Variants in KCNH8 observed in about 807,000 individuals in gnomAD.
KCNH8 encodes voltage-gated delayed rectifier potassium channel KCNH8.
In KCNH8, 70 loss-of-function variants were observed where a neutral mutation model predicts 103.6. The ratio of observed to expected loss-of-function variants is 0.68; its 90% CI spans 0.56 to 0.82. The LOEUF (loss-of-function observed/expected upper bound fraction) is 0.82, where lower values mean the gene tolerates loss of function less well. Ranked by LOEUF, KCNH8 falls within the 40% of genes least tolerant of loss-of-function variation. The pLI, the probability that KCNH8 is intolerant of heterozygous loss-of-function variation, is 0.00. For synonymous variants in KCNH8, 498 were observed against 489.4 expected (o/e 1.02, Z -0.23); for missense variants, 1,217 against 1,329.9 (o/e 0.92, Z 1.32).
At chr3:19,412,537 C>T (rs975385443) in intron 7 of KCNH8, among the ~76,000 whole-genome samples, 3 of 151,816 alleles carry the variant, frequency 2.0e-5, no homozygotes, top group Non-Finnish European at 4.4e-5. Flanking sequence ...CAAAAATTGA[C>T]AAGTGGGACC....
intron 1 of KCNH8, among the ~76,000 whole-genome samples, chr3:19,226,603 TCA>T (rs1050583733): frequency 2.1e-5 from 3 of 145,246 alleles, no homozygotes; most frequent in East Asian, 1.9e-4. Flanking sequence ...TCTCTCTCTG[TCA>T]CACACACACA....
intron 11 of KCNH8, among the ~76,000 whole-genome samples, chr3:19,467,337 A>G (rs2067762314): frequency 6.6e-6 from 1 of 151,790 alleles, no homozygotes; most frequent in African/African-American, 2.4e-5. Context: ...ATGTGCACAC[A>G]CACAAATATA....
At chr3:19,337,969 AACACAC>A (rs1172457702) in intron 3 of KCNH8, among the ~76,000 whole-genome samples, 3 of 150,674 alleles carry the variant, frequency 2.0e-5, no homozygotes, top group African/African-American at 4.9e-5. Context: ...AAAAAAAATA[AACACAC>A]ACACACACGC....
chr3:19,263,100 A>G (rs555530119), intron 2 of KCNH8, among the ~76,000 whole-genome samples: 53 of 152,204 alleles, frequency 3.5e-4, no homozygotes, highest in African/African-American at 1.2e-3. Flanking sequence ...CCTGGAGGAC[A>G]GCATAAAACT....
intron 1 of KCNH8, among the ~76,000 whole-genome samples, chr3:19,236,351 G>C (rs986219335): frequency 2.0e-5 from 3 of 152,196 alleles, no homozygotes; most frequent in Non-Finnish European, 2.9e-5. Flanking sequence ...TCATTATCTA[G>C]ATAAATTATA....
chr3:19,352,309 T>C (rs915678182), intron 5 of KCNH8, among the ~76,000 whole-genome samples: 4 of 151,850 alleles, frequency 2.6e-5, no homozygotes, highest in African/African-American at 9.7e-5. Context: ...CCACTGTCAA[T>C]ATTAGACAGA....
intron 11 of KCNH8, among the ~76,000 whole-genome samples, chr3:19,474,287 G>C (rs1421742819): frequency 6.6e-6 from 1 of 152,184 alleles, no homozygotes; most frequent in East Asian, 1.9e-4. Context: ...AGACAGCAGA[G>C]AGGATGACAT....
chr3:19,508,610 GGAT>G (rs1459052044), intron 11 of KCNH8, among the ~76,000 whole-genome samples: 1 of 152,134 alleles, frequency 6.6e-6, no homozygotes, highest in Non-Finnish European at 1.5e-5. Context: ...ATAGGAAATA[GGAT>G]GATAATAACT....
chr3:19,251,619 G>A (rs2064278890), intron 1 of KCNH8, among the ~76,000 whole-genome samples: 1 of 152,116 alleles, frequency 6.6e-6, no homozygotes, highest in South Asian at 2.1e-4. Context: ...TCTCCTGCTG[G>A]CCATCAAGAA....
In KCNH8 at chr3:19,359,361, G is replaced by A. The variant is rs142578774; in HGVS notation, c.811+11396G>A. On this transcript the variant is annotated intron_variant, in intron 5 of 15. Transcript: ENST00000328405. ...GTACTTATATATATATGTGTGTTGTGTGTGCATGTGTATATACATAGAGAA... is the reference window on the plus strand; with the variant it reads ...GTACTTATATATATATGTGTGTTGTATGTGCATGTGTATATACATAGAGAA... Among the ~76,000 whole-genome samples, 312 of 142,878 alleles carry A rather than the reference G, an allele frequency of 2.2e-3. 5 individuals are homozygous for A. The East Asian group carries it at 0.061, about 28-fold the overall frequency. 93.7% of individuals were successfully genotyped at this position (142,878 alleles called of 152,430 possible).
At chr3:19,250,975 T>G (rs1021739193) in intron 1 of KCNH8, among the ~76,000 whole-genome samples, 2 of 152,168 alleles carry the variant, frequency 1.3e-5, no homozygotes, top group African/African-American at 4.8e-5. Context: ...GAAAGTGCAT[T>G]AAAAGCTTTT....
intron 3 of KCNH8, among the ~76,000 whole-genome samples, chr3:19,308,711 TCTCTCTCC>T (rs2065166754): frequency 2.1e-5 from 1 of 47,416 alleles, no homozygotes; most frequent in South Asian, 7.2e-4. Context: ...TCTCTCTCTC[TCTCTCTCC>T]CCCTCTCTCC....
intron 2 of KCNH8, among the ~76,000 whole-genome samples, chr3:19,256,026 T>C (rs948968711): frequency 6.6e-6 from 1 of 152,106 alleles, no homozygotes; most frequent in African/African-American, 2.4e-5. Flanking sequence ...AATATTTAAA[T>C]TGTACTCTAA....
At chr3:19,341,779 T>G (rs1248346268) in intron 3 of KCNH8, among the ~76,000 whole-genome samples, 1 of 152,138 alleles carries the variant, frequency 6.6e-6, no homozygotes, top group Non-Finnish European at 1.5e-5. Context: ...TTGGCCAATA[T>G]TCATTTGATA....
chr3:19,350,539 A>G (rs2065786213), intron 5 of KCNH8, among the ~76,000 whole-genome samples: 1 of 152,134 alleles, frequency 6.6e-6, no homozygotes. Flanking sequence ...TTCCAGAGGA[A>G]GGATCAGGCA....
At chr3:19,496,370 C>T (rs184941370) in intron 11 of KCNH8, among the ~76,000 whole-genome samples, 1 of 152,248 alleles carries the variant, frequency 6.6e-6, no homozygotes. Context: ...TATATTCCTT[C>T]AATGACTAGT....
At chr3:19,452,603 A>T (rs190350871) in intron 10 of KCNH8, among the ~76,000 whole-genome samples, 19 of 152,282 alleles carry the variant, frequency 1.2e-4, no homozygotes, top group African/African-American at 2.6e-4. Context: ...TGAATTCAGG[A>T]TGTATTTCAA....
At chr3:19,336,273 A>G (rs566927727) in intron 3 of KCNH8, among the ~76,000 whole-genome samples, 1 of 151,888 alleles carries the variant, frequency 6.6e-6, no homozygotes, top group Admixed American at 6.6e-5. Context: ...ACAGTCTTTT[A>G]TTTCCAAAAG....
intron 11 of KCNH8, among the ~76,000 whole-genome samples, chr3:19,503,752 G>C (rs1463347397): frequency 6.8e-6 from 1 of 147,734 alleles, no homozygotes; most frequent in Non-Finnish European, 1.5e-5. Context: ...CACAGGAAGG[G>C]GAACATCACA....
Sources: gnomAD v4.1 joint callset for allele counts (sites outside exome capture counted in the v4.1 genomes callset) on GRCh38, gnomAD v4.1.1 for gene constraint, MANE v1.5 for transcripts, NCBI Gene and HGNC (gene_info 2026-07-23, HGNC 2026-07-21) for gene names.